ARB2A: variants seen among roughly 807,000 people sequenced by gnomAD.
ARB2A encodes ARB2 cotranscriptional regulator A, also known as cotranscriptional regulator ARB2A.
the ARB2A span, among the ~76,000 whole-genome samples, chr5:94,089,594 T>TACACACACACACACACACACAC: frequency 4.4e-5 from 6 of 135,664 alleles, no homozygotes; most frequent in African/African-American, 1.7e-4. Flanking sequence ...AAACCGTTTA[T>TACACACACACACACACACACAC]ACACACACAC....
chr5:93,781,093 G>A, the ARB2A span, among the ~76,000 whole-genome samples: 97 of 151,956 alleles, frequency 6.4e-4, no homozygotes, highest in Admixed American at 9.2e-4. Context: ...AGTAAAGTCT[G>A]GGCTTTTAGT....
the ARB2A span, among the ~76,000 whole-genome samples, chr5:93,797,607 A>C: frequency 3.3e-5 from 5 of 152,154 alleles, no homozygotes; most frequent in Non-Finnish European, 7.4e-5. Flanking sequence ...TCACTGTTTC[A>C]TATCAGGTTA....
At chr5:93,929,037 AAAAC>A in the ARB2A span, among the ~76,000 whole-genome samples, 1 of 152,160 alleles carries the variant, frequency 6.6e-6, no homozygotes, top group African/African-American at 2.4e-5. Flanking sequence ...CAAATTAAAA[AAAAC>A]AAAAGGTAGG....
the ARB2A span, among the ~76,000 whole-genome samples, chr5:93,658,651 C>G: frequency 2.6e-5 from 4 of 152,012 alleles, no homozygotes; most frequent in Admixed American, 2.6e-4. Context: ...TATGTGATGA[C>G]TTCTTTGGCA....
At chr5:93,986,308 G>A in the ARB2A span, among the ~76,000 whole-genome samples, 47 of 150,338 alleles carry the variant, frequency 3.1e-4, 1 homozygote, top group South Asian at 5.9e-3. Flanking sequence ...CCCAGCAGCC[G>A]CCCCATCTGG....
At chr5:93,975,693 A>G in the ARB2A span, among the ~76,000 whole-genome samples, 1 of 152,184 alleles carries the variant, frequency 6.6e-6, no homozygotes, top group South Asian at 2.1e-4. Flanking sequence ...GAGGAAATGG[A>G]TACATTCCCT....
At chr5:94,099,123 T>C in the ARB2A span, among the ~76,000 whole-genome samples, 1 of 152,148 alleles carries the variant, frequency 6.6e-6, no homozygotes, top group Non-Finnish European at 1.5e-5. Flanking sequence ...CCCCAACTCA[T>C]TCTATGGGGC....
chr5:93,750,635 T>G, the ARB2A span, among the ~76,000 whole-genome samples: 4 of 152,270 alleles, frequency 2.6e-5, no homozygotes, highest in East Asian at 1.9e-4. Flanking sequence ...GACCTGCCCA[T>G]CTGAGCCTCC....
At chr5:93,793,669 T>C in the ARB2A span, among the ~76,000 whole-genome samples, 1 of 152,184 alleles carries the variant, frequency 6.6e-6, no homozygotes, top group Admixed American at 6.5e-5. Flanking sequence ...TCTGGTTTCA[T>C]GTATTTAGAA....
At chr5:94,065,067 A>AT in the ARB2A span, among the ~76,000 whole-genome samples, 3 of 152,272 alleles carry the variant, frequency 2.0e-5, no homozygotes, top group Admixed American at 2.0e-4. Flanking sequence ...AAGCCCTCGC[A>AT]TATCAATAAT....
the ARB2A span, among the ~76,000 whole-genome samples, chr5:93,692,013 C>CT: frequency 6.6e-6 from 1 of 152,194 alleles, no homozygotes; most frequent in African/African-American, 2.4e-5. Context: ...CTTACAAGAG[C>CT]TCCTGAAGGA....
chr5:93,778,524 T>G, the ARB2A span, among the ~76,000 whole-genome samples: 1 of 152,202 alleles, frequency 6.6e-6, no homozygotes, highest in African/African-American at 2.4e-5. Flanking sequence ...GGGAGATAGC[T>G]TCAATGAAGA....
chr5:93,751,160 T>G, the ARB2A span, among the ~76,000 whole-genome samples: 27 of 152,144 alleles, frequency 1.8e-4, no homozygotes, highest in African/African-American at 6.5e-4. Flanking sequence ...CAACTTTTTT[T>G]TTTTGCCCCA....
the ARB2A span, among the ~76,000 whole-genome samples, chr5:93,915,242 C>T: frequency 7.9e-5 from 12 of 151,828 alleles, no homozygotes; most frequent in African/African-American, 2.7e-4. Context: ...AGCAATTGGG[C>T]TCTTCATTGG....
the ARB2A span, among the ~76,000 whole-genome samples, chr5:93,697,439 C>A: frequency 6.6e-6 from 1 of 152,098 alleles, no homozygotes; most frequent in Non-Finnish European, 1.5e-5. Context: ...AATAATCTTA[C>A]AAACAGCAGA....
At chr5:93,944,269 A>C in the ARB2A span, among the ~76,000 whole-genome samples, 1 of 152,166 alleles carries the variant, frequency 6.6e-6, no homozygotes, top group Non-Finnish European at 1.5e-5. Flanking sequence ...AATTATCTCT[A>C]TTCTTGCCAC....
chr5:93,899,005 AC>A, the ARB2A span, among the ~76,000 whole-genome samples: 1 of 152,112 alleles, frequency 6.6e-6, no homozygotes, highest in Non-Finnish European at 1.5e-5. Flanking sequence ...TAGAGCTCAC[AC>A]CATTGACCAA....
chr5:93,799,480 G>A, the ARB2A span, among the ~76,000 whole-genome samples: 16 of 152,142 alleles, frequency 1.1e-4, no homozygotes, highest in African/African-American at 3.6e-4. Context: ...GGTAATAAAC[G>A]ATTAGCTACA....
chr5:94,088,106 T>C, the ARB2A span, among the ~76,000 whole-genome samples: 1 of 152,206 alleles, frequency 6.6e-6, no homozygotes, highest in African/African-American at 2.4e-5. Flanking sequence ...AGTGAGAAAG[T>C]TGGAGGTTCT....
Sources: gnomAD v4.1 joint callset for allele counts (sites outside exome capture counted in the v4.1 genomes callset) on GRCh38, gnomAD v4.1.1 for gene constraint, MANE v1.5 for transcripts, NCBI Gene and HGNC (gene_info 2026-07-23, HGNC 2026-07-21) for gene names.